DACH2: variants seen among roughly 807,000 people sequenced by gnomAD.
DACH2 encodes the protein dachshund family transcription factor 2.
DACH2 carries 17 observed loss-of-function variants against 35.8 expected under a neutral mutation model. The observed-to-expected ratio is 0.48, with a 90% CI of 0.33 to 0.71. DACH2 has a LOEUF of 0.71. Ranked by LOEUF, DACH2 falls within the 30% of genes least tolerant of loss-of-function variation. The pLI is 0.02. For synonymous variants in DACH2, 195 were observed against 177.3 expected (o/e 1.10, Z -0.79); for missense variants, 469 against 472.7 (o/e 0.99, Z 0.07).
Position 86,658,582 on chromosome X carries a change from A to G in DACH2, c.772+7415A>G, listed in dbSNP as rs189994285. On this transcript the variant is annotated intron_variant, in intron 4 of 11. Transcript: ENST00000373125. ...ACGTGTTCATGTTTCATTTAGCTCCAAATGAGAAATTCTGTTTTTTATTGT... is the reference window on the plus strand; with the variant it reads ...ACGTGTTCATGTTTCATTTAGCTCCGAATGAGAAATTCTGTTTTTTATTGT... Among the ~76,000 whole-genome samples the G allele has an allele frequency of 2.9e-3, 320 of 111,538 alleles. 2 individuals are homozygous for G. Among genetic ancestry groups the G allele is most frequent in the African/African-American group, 9.9e-3 (306 of 30,831 alleles).
At chrX:86,456,784 T>A (rs1452277535) in intron 2 of DACH2, among the ~76,000 whole-genome samples, 1 of 111,105 alleles carries the variant, frequency 9.0e-6, no homozygotes, top group Non-Finnish European at 1.9e-5. Context: ...GCCCTCAATT[T>A]TTTTTTTTGT....
At chrX:86,221,083 TTTTG>T (rs1412156671) in intron 1 of DACH2, among the ~76,000 whole-genome samples, 1 of 111,621 alleles carries the variant, frequency 9.0e-6, no homozygotes, top group Non-Finnish European at 1.9e-5. Context: ...GCTTGTCTGT[TTTTG>T]TTTTTGTTGC....
rs1341273400 is a variant in DACH2, at chrX:86,697,752, A to G, written c.931+2573A>G. On this transcript the variant is annotated intron_variant, in intron 5 of 11. Coordinates refer to ENST00000373125, the MANE Select transcript of DACH2 (RefSeq NM_053281.3). ...AAGAGTATCTTATATGAAATCATCA[A>G]TAGAATACACAGAGCCAAGGAAAGA... 6.3e-5 allele frequency among the ~76,000 whole-genome samples: 7 copies of G among 111,581 alleles called. No homozygotes were observed. The East Asian group carries it at 1.4e-3, about 22-fold the overall frequency.
intron 2 of DACH2, among the ~76,000 whole-genome samples, chrX:86,396,646 A>T (rs1198086541): frequency 9.1e-6 from 1 of 110,341 alleles, no homozygotes; most frequent in Non-Finnish European, 1.9e-5. Context: ...TAAATAGGGG[A>T]TCCTTTCCCC....
intron 1 of DACH2, among the ~76,000 whole-genome samples, chrX:86,287,559 G>C (rs2034177897): frequency 9.0e-6 from 1 of 111,200 alleles, no homozygotes; most frequent in Non-Finnish European, 1.9e-5. Flanking sequence ...AGATCGTGTA[G>C]GTGTGCTTCG....
chrX:86,714,376 A>T (rs1188441703), intron 5 of DACH2, among the ~76,000 whole-genome samples, 172 bp from the exon 6 acceptor site: 2 of 112,176 alleles, frequency 1.8e-5, no homozygotes, highest in Admixed American at 1.9e-4. Context: ...GAAGATTTTT[A>T]AAATGATTAA....
intron 6 of DACH2, among the ~76,000 whole-genome samples, chrX:86,716,686 T>C (rs2041340495): frequency 8.9e-6 from 1 of 112,280 alleles, no homozygotes; most frequent in South Asian, 3.7e-4. Flanking sequence ...CTATATTTTG[T>C]TTGAATGTTT....
chrX:86,366,831 A>G (rs759192247), intron 1 of DACH2, among the ~76,000 whole-genome samples: 7 of 109,897 alleles, frequency 6.4e-5, no homozygotes, highest in African/African-American at 2.3e-4. Context: ...TGACATGCCT[A>G]TTTCCCCTTT....
Position 86,260,851 on chromosome X carries a change from T to G in DACH2, c.488+111743T>G, listed in dbSNP as rs6653100. Reference sequence around the variant, plus strand: ...AGGAGTTACCTTTTCTTTCACATCATGGTGTCTCCTATTAAGGGATGGAGT... The same window carrying G: ...AGGAGTTACCTTTTCTTTCACATCAGGGTGTCTCCTATTAAGGGATGGAGT... On this transcript the variant is annotated intron_variant, in intron 1 of 11. Coordinates refer to ENST00000373125, the MANE Select transcript of DACH2 (RefSeq NM_053281.3). 5.4e-5 allele frequency among the ~76,000 whole-genome samples: 6 copies of G among 110,469 alleles called. No homozygotes were observed. The East Asian group carries it at 1.4e-3, about 27-fold the overall frequency.
At chrX:86,324,158 C>G (rs764826681) in intron 1 of DACH2, among the ~76,000 whole-genome samples, 1 of 111,861 alleles carries the variant, frequency 8.9e-6, no homozygotes, top group Non-Finnish European at 1.9e-5. Flanking sequence ...GGAAAGTTTT[C>G]TGCCAGGGAA....
intron 7 of DACH2, among the ~76,000 whole-genome samples, chrX:86,785,950 C>T (rs1301146687): frequency 1.8e-5 from 2 of 111,382 alleles, no homozygotes; most frequent in African/African-American, 6.5e-5. Flanking sequence ...TTTGATGATT[C>T]CTATCTCAGA....
chrX:86,629,460 A>G (rs1418548808), intron 3 of DACH2, among the ~76,000 whole-genome samples: 7 of 111,839 alleles, frequency 6.3e-5, no homozygotes, highest in African/African-American at 1.9e-4. Flanking sequence ...GAATTTGTAT[A>G]TAGTATTAAT....
chrX:86,223,049 C>G (rs116291193), intron 1 of DACH2, among the ~76,000 whole-genome samples: 2,824 of 111,382 alleles, frequency 0.025, 91 homozygotes, highest in African/African-American at 0.087. Context: ...GCCTCAAAAA[C>G]CAAAAAACCA....
intron 2 of DACH2, among the ~76,000 whole-genome samples, chrX:86,450,159 A>G (rs1428569941): frequency 1.8e-5 from 2 of 110,881 alleles, no homozygotes; most frequent in African/African-American, 6.6e-5. Flanking sequence ...TGCTGCACAG[A>G]TCATTCCATC....
At chrX:86,645,808 C>G (rs141030437) in intron 3 of DACH2, among the ~76,000 whole-genome samples, 291 of 110,910 alleles carry the variant, frequency 2.6e-3, no homozygotes, top group Non-Finnish European at 4.7e-3. Flanking sequence ...GAACAGAAAA[C>G]CAAATACTGC....
At chrX:86,418,291 G>T (rs1317836257) in intron 2 of DACH2, among the ~76,000 whole-genome samples, 1 of 111,804 alleles carries the variant, frequency 8.9e-6, no homozygotes, top group African/African-American at 3.3e-5. Flanking sequence ...ACTAGGTGGT[G>T]CCCCAGCAGG....
At chrX:86,659,278 T>C in intron 4 of DACH2, among the ~76,000 whole-genome samples, 1 of 111,155 alleles carries the variant, frequency 9.0e-6, no homozygotes, top group Middle Eastern at 4.6e-3. Context: ...AAGGAACTAT[T>C]GTTTTTTCAG....
chrX:86,294,522 T>C (rs2034396448), intron 1 of DACH2, among the ~76,000 whole-genome samples: 1 of 110,721 alleles, frequency 9.0e-6, no homozygotes, highest in Non-Finnish European at 1.9e-5. Context: ...GTTTCCAGTT[T>C]TTCTGCTCTG....
At chrX:86,457,424 A>G (rs2037495412) in intron 2 of DACH2, among the ~76,000 whole-genome samples, 1 of 112,155 alleles carries the variant, frequency 8.9e-6, no homozygotes, top group Non-Finnish European at 1.9e-5. Flanking sequence ...AAAGTCACCC[A>G]CATGAATCTC....
Sources: gnomAD v4.1 joint callset for allele counts (sites outside exome capture counted in the v4.1 genomes callset) on GRCh38, gnomAD v4.1.1 for gene constraint, MANE v1.5 for transcripts, NCBI Gene and HGNC (gene_info 2026-07-23, HGNC 2026-07-21) for gene names.